The following EPM2A variants were observed in gnomAD, a reference collection of about 807,000 sequenced individuals.
EPM2A encodes the protein EPM2A glucan phosphatase, laforin.
In EPM2A, 21 loss-of-function variants were observed where a neutral mutation model predicts 26.5. That is an observed-to-expected ratio of 0.79 (90% CI 0.56 to 1.14). The LOEUF (loss-of-function observed/expected upper bound fraction) is 1.14, where lower values mean the gene tolerates loss of function less well. Among genes scored for constraint, EPM2A ranks in the 50% most tolerant of loss-of-function variants. EPM2A has a pLI of 0.00. For missense variants in EPM2A, 458 were observed against 440.8 expected, an observed-to-expected ratio of 1.04 and a Z score of -0.35; for synonymous variants, 217 against 177.6, an observed-to-expected ratio of 1.22 and a Z score of -1.76.
At chr6:145,540,067 T>A (rs1028536630) in intron 2 of EPM2A, among the ~76,000 whole-genome samples, 7 of 152,160 alleles carry the variant, frequency 4.6e-5, no homozygotes, top group Non-Finnish European at 1.0e-4. Flanking sequence ...TAAAGGCTCT[T>A]GCCTAAAGTG....
intron 2 of EPM2A, among the ~76,000 whole-genome samples, chr6:145,653,036 C>T (rs1342761179): frequency 2.6e-5 from 4 of 152,176 alleles, no homozygotes; most frequent in African/African-American, 9.7e-5. Context: ...GAAGATTAAA[C>T]ATGGAAAGAG....
At chr6:145,534,795 A>G (rs1219951897) in intron 2 of EPM2A, among the ~76,000 whole-genome samples, 1 of 152,216 alleles carries the variant, frequency 6.6e-6, no homozygotes, top group Non-Finnish European at 1.5e-5. Context: ...TCCCTCATAA[A>G]GCGTCATTTG....
At chr6:145,438,606 C>A (rs1562334732) in intron 4 of EPM2A, among the ~76,000 whole-genome samples, 1 of 151,038 alleles carries the variant, frequency 6.6e-6, no homozygotes, top group African/African-American at 2.4e-5. Flanking sequence ...CCTGAGTAGC[C>A]GGGATTACAG....
Position 145,405,981 on chromosome 6 carries a change from TACAC to T in EPM2A, c.556-21888_556-21885del, listed in dbSNP as rs56700058. ...AGAACTATTTAATCATGGAGATACC[TACAC>T]ACACACACACACACACACACACACA... On this transcript the variant is annotated intron_variant, in intron 4 of 4. Coordinates refer to the EPM2A transcript ENST00000638717. Among the ~76,000 whole-genome samples the T allele has an allele frequency of 2.0e-3, 299 of 146,428 alleles. 3 individuals carry two copies. Among genetic ancestry groups the T allele is most frequent in the East Asian group, 8.6e-3 (43 of 4,996 alleles).
chr6:145,585,942 A>C (rs1454185331), intron 2 of EPM2A, among the ~76,000 whole-genome samples: 1 of 152,226 alleles, frequency 6.6e-6, no homozygotes, highest in Non-Finnish European at 1.5e-5. Flanking sequence ...GGCTCCTAGA[A>C]ACAGGAACTA....
At chr6:145,516,570 G>A (rs1780130390) in intron 2 of EPM2A, among the ~76,000 whole-genome samples, 1 of 152,168 alleles carries the variant, frequency 6.6e-6, no homozygotes, top group African/African-American at 2.4e-5. Flanking sequence ...GAGACTATGA[G>A]ATAGTTTTAA....
At chr6:145,449,298 C>T (rs1779167406) in intron 4 of EPM2A, among the ~76,000 whole-genome samples, 1 of 152,166 alleles carries the variant, frequency 6.6e-6, no homozygotes, top group Non-Finnish European at 1.5e-5. Flanking sequence ...AAATAATTAG[C>T]AAACCCTTCC....
intron 2 of EPM2A, among the ~76,000 whole-genome samples, chr6:145,571,523 A>G (rs1373671501): frequency 1.3e-5 from 2 of 152,208 alleles, no homozygotes; most frequent in East Asian, 1.9e-4. Context: ...AGACAAACCC[A>G]TATCTAGAGT....
chr6:145,482,877 T>TC lies in EPM2A; in HGVS notation c.555+19644dup, dbSNP rs1554242342. Among the ~76,000 whole-genome samples, 88 of 151,908 alleles carry TC rather than the reference T, an allele frequency of 5.8e-4. 1 individual carries two copies. The highest frequency in any genetic ancestry group is 1.9e-3 in the South Asian group (9 of 4,806). ...AATTATAGCTATTCTTTTTTTTTTTTCTGTGGCTTAAAGAACAGCTTCAAG... is the reference window on the plus strand; with the variant it reads ...AATTATAGCTATTCTTTTTTTTTTTTCCTGTGGCTTAAAGAACAGCTTCAAG... On this transcript the variant is annotated intron_variant, in intron 4 of 4. Coordinates refer to the EPM2A transcript ENST00000638717.
chr6:145,429,825 A>G (rs1778899601), intron 4 of EPM2A, among the ~76,000 whole-genome samples: 1 of 152,176 alleles, frequency 6.6e-6, no homozygotes, highest in South Asian at 2.1e-4. Context: ...GTGATATTTT[A>G]ATGGCTCAGA....
rs552734138 is a variant in EPM2A at position 145,648,109 on chromosome 6, A to C, written c.477-12623T>G. Among the ~76,000 whole-genome samples, 52 of 152,266 alleles carry C rather than the reference A, an allele frequency of 3.4e-4. No homozygotes were observed. The South Asian group carries it at 0.011, about 31-fold the overall frequency. On this transcript the variant is annotated intron_variant, in intron 2 of 3. Transcript: ENST00000367519. ...TCATAGATGGTCTATTTCTATGCTAAATTCTTTTACTACACATTATTTCTT... is the reference window on the plus strand; with the variant it reads ...TCATAGATGGTCTATTTCTATGCTACATTCTTTTACTACACATTATTTCTT...
chr6:145,473,236 T>C (rs545467994), intron 4 of EPM2A, among the ~76,000 whole-genome samples: 1 of 151,474 alleles, frequency 6.6e-6, no homozygotes, highest in African/African-American at 2.4e-5. Flanking sequence ...ACGTAGAAAT[T>C]CTGGACCTGA....
At chr6:145,409,559 G>A (rs1210291026) in intron 4 of EPM2A, among the ~76,000 whole-genome samples, 1 of 152,132 alleles carries the variant, frequency 6.6e-6, no homozygotes, top group Non-Finnish European at 1.5e-5. Context: ...TGTAGATGGG[G>A]AGCAAATTAT....
chr6:145,481,090 C>A (rs765818058), intron 4 of EPM2A, among the ~76,000 whole-genome samples: 1 of 152,084 alleles, frequency 6.6e-6, no homozygotes, highest in Non-Finnish European at 1.5e-5. Context: ...AGCATTTCCA[C>A]CTTCAACTGT....
intron 2 of EPM2A, among the ~76,000 whole-genome samples, chr6:145,567,992 G>A (rs1780906357): frequency 6.6e-6 from 1 of 152,172 alleles, no homozygotes. Flanking sequence ...TACAATTCCT[G>A]TTTCCTGGGA....
intron 4 of EPM2A, among the ~76,000 whole-genome samples, chr6:145,391,914 G>A (rs555536342): frequency 4.6e-4 from 70 of 151,542 alleles, no homozygotes; most frequent in Non-Finnish European, 7.7e-4. Flanking sequence ...CTGGGTCTTA[G>A]GTGGGGGGCA....
intron 2 of EPM2A, among the ~76,000 whole-genome samples, chr6:145,573,781 G>A (rs1780992508): frequency 6.6e-6 from 1 of 152,126 alleles, no homozygotes; most frequent in African/African-American, 2.4e-5. Context: ...GCTGGCACTG[G>A]AGAAATGACC....
chr6:145,670,573 T>C (rs1400483398), intron 2 of EPM2A, among the ~76,000 whole-genome samples: 1 of 152,136 alleles, frequency 6.6e-6, no homozygotes, highest in South Asian at 2.1e-4. Context: ...TCATACACTT[T>C]AGCTGATAGG....
intron 2 of EPM2A, among the ~76,000 whole-genome samples, chr6:145,651,800 G>T (rs1777902221): frequency 6.6e-6 from 1 of 152,136 alleles, no homozygotes; most frequent in East Asian, 1.9e-4. Context: ...CAGCTACTCA[G>T]GTGGTTAGGA....
Sources: allele counts gnomAD v4.1 joint callset (sites outside exome capture counted in the v4.1 genomes callset), GRCh38; gene constraint gnomAD v4.1.1; transcripts MANE v1.5; gene names NCBI Gene and HGNC (gene_info 2026-07-23, HGNC 2026-07-21).